The following PTBP2 variants were observed in gnomAD, a reference collection of about 807,000 sequenced individuals.
The protein encoded by PTBP2 is polypyrimidine tract binding protein 2.
A neutral mutation model predicts 61.4 loss-of-function variants in PTBP2; 13 were observed. The observed-to-expected ratio is 0.21, with a 90% CI of 0.14 to 0.34. PTBP2 has a LOEUF of 0.34. Among genes scored for constraint, PTBP2 ranks in the 10% least tolerant of loss-of-function variants. The probability of loss-of-function intolerance (pLI) is 1.00; values close to 1 mark genes in which losing one functional copy is unlikely to be tolerated. For missense variants in PTBP2, 405 were observed against 642.6 expected, an observed-to-expected ratio of 0.63 and a Z score of 4.00; for synonymous variants, 215 against 218.5, an observed-to-expected ratio of 0.98 and a Z score of 0.14.
intron 2 of PTBP2, among the ~76,000 whole-genome samples, chr1:96,726,966 TATCTC>T (rs1475675581): frequency 2.0e-5 from 3 of 152,218 alleles, no homozygotes; most frequent in Non-Finnish European, 4.4e-5. Flanking sequence ...TACAATGTTT[TATCTC>T]ATATATACCC....
intron 3 of PTBP2, among the ~76,000 whole-genome samples, chr1:96,761,968 C>A (rs199672750): frequency 0.078 from 11,771 of 151,494 alleles, 570 homozygotes; most frequent in East Asian, 0.17. Flanking sequence ...CTTCAAGCAT[C>A]TGTTTAACAA....
chr1:96,780,022 A>G (rs983719946), intron 7 of PTBP2, among the ~76,000 whole-genome samples: 1 of 151,992 alleles, frequency 6.6e-6, no homozygotes, highest in Non-Finnish European at 1.5e-5. Flanking sequence ...TTTCCCTTCT[A>G]CCATATCTCT....
At chr1:96,731,548 G>A (rs939215551) in intron 2 of PTBP2, among the ~76,000 whole-genome samples, 2 of 151,962 alleles carry the variant, frequency 1.3e-5, no homozygotes, top group African/African-American at 2.4e-5. Flanking sequence ...AACATTTTTA[G>A]CCTCAGCTTC....
In PTBP2 at chr1:96,770,005, G is replaced by A. The variant is rs976513180; in HGVS notation, c.288+130G>A. On this transcript the variant is annotated intron_variant, in intron 4 of 13. Coordinates refer to ENST00000674951, the MANE Select transcript of PTBP2 (RefSeq NM_021190.4). ...AGAAGTCTTATTCTCACTTTTTCGA[G>A]TAGATGTCTGTGGGAAACTAATGCT... The A allele has an allele frequency of 2.0e-5, 13 of 658,126 alleles. No homozygotes were observed. The East Asian group carries it at 3.3e-4, about 17-fold the overall frequency. 40.8% of individuals were successfully genotyped at this position (658,126 alleles called of 1,614,324 possible).
intron 2 of PTBP2, among the ~76,000 whole-genome samples, chr1:96,742,932 A>G (rs1459091501): frequency 1.3e-5 from 2 of 152,034 alleles, no homozygotes; most frequent in East Asian, 1.9e-4. Context: ...TCTTTTCATT[A>G]TTTTATTTTT....
chr1:96,801,780 G>A (rs1454081379), intron 8 of PTBP2, among the ~76,000 whole-genome samples: 3 of 150,432 alleles, frequency 2.0e-5, no homozygotes, highest in Non-Finnish European at 2.9e-5. Context: ...AGAATCACTT[G>A]AAGCTGGGAG....
Position 96,739,618 on chromosome 1 carries a change from GTTTTTTTT to G in PTBP2, c.40-11788_40-11781del, listed in dbSNP as rs772410191. On this transcript the variant is annotated intron_variant, in intron 2 of 13. Coordinates refer to ENST00000674951, the MANE Select transcript of PTBP2 (RefSeq NM_021190.4). ...GCTACAAAATCTGAAACTGGTGTGT[GTTTTTTTT>G]TTTTTTTTTTTTTTTTTTGAGACGG... 7.2e-5 allele frequency among the ~76,000 whole-genome samples: 6 copies of G among 83,792 alleles called. No homozygotes were observed. The East Asian group carries it at 2.0e-3, about 29-fold the overall frequency. 55.0% of individuals were successfully genotyped at this position (83,792 alleles called of 152,430 possible).
At chr1:96,805,548 A>G (rs894719788) in intron 9 of PTBP2, among the ~76,000 whole-genome samples, 3 of 150,288 alleles carry the variant, frequency 2.0e-5, no homozygotes, top group African/African-American at 7.4e-5. Flanking sequence ...AATAAAATTT[A>G]TTGCTAAGTT....
At chr1:96,815,873 C>T (rs1390078947), downstream of PTBP2, 1 of 152,052 alleles carries the variant, frequency 6.6e-6, no homozygotes, top group Non-Finnish European at 1.5e-5. Context: ...AGGAACTCTA[C>T]CAGCATCAGA....
At chr1:96,764,706 T>G (rs1037712890) in intron 3 of PTBP2, among the ~76,000 whole-genome samples, 2 of 152,250 alleles carry the variant, frequency 1.3e-5, no homozygotes, top group African/African-American at 2.4e-5. Context: ...TCCAGTAGAT[T>G]ATTTCATAGT....
In PTBP2 at chr1:96,740,578, A is replaced by G. The variant is rs993160861; in HGVS notation, c.40-10847A>G. ...ATTGAGTTGATAATACCCTGCATAT[A>G]GTTGACCCATACTTCTCCACTCCAG... On this transcript the variant is annotated intron_variant, in intron 2 of 13. Transcript: ENST00000674951. 5.9e-5 allele frequency among the ~76,000 whole-genome samples: 9 copies of G among 152,266 alleles called. No individual in the cohort carries two copies. In the South Asian group the frequency reaches 1.9e-3, roughly 32 times the overall value.
At chr1:96,760,989 A>G (rs903752206) in intron 3 of PTBP2, among the ~76,000 whole-genome samples, 1 of 152,220 alleles carries the variant, frequency 6.6e-6, no homozygotes, top group Admixed American at 6.5e-5. Context: ...TTAGTAGTAC[A>G]TGCGAAAACA....
intron 3 of PTBP2, among the ~76,000 whole-genome samples, chr1:96,757,037 C>G (rs1448132844): frequency 3.3e-5 from 5 of 152,148 alleles, no homozygotes; most frequent in Non-Finnish European, 7.4e-5. Flanking sequence ...GCAGGGAAAT[C>G]TCTCTGCTTT....
At chr1:96,746,913 C>CCCTTCCTT (rs1214485803) in intron 2 of PTBP2, among the ~76,000 whole-genome samples, 349 of 29,466 alleles carry the variant, frequency 0.012, 8 homozygotes, top group Middle Eastern at 0.043. Flanking sequence ...CTCCCTCCCT[C>CCCTTCCTT]CCTTCCTTCC....
intron 3 of PTBP2, among the ~76,000 whole-genome samples, chr1:96,758,062 A>G (rs1340534879): frequency 6.6e-6 from 1 of 152,070 alleles, no homozygotes; most frequent in Non-Finnish European, 1.5e-5. Context: ...GCAGAGTATA[A>G]TAGTATAACA....
At chr1:96,767,324 G>A (rs1656842917) in intron 3 of PTBP2, among the ~76,000 whole-genome samples, 1 of 152,000 alleles carries the variant, frequency 6.6e-6, no homozygotes, top group East Asian at 1.9e-4. Flanking sequence ...ATTTGAAAGG[G>A]GAAGCCTTTT....
At chr1:96,723,857 T>C (rs1163501508) in intron 2 of PTBP2, among the ~76,000 whole-genome samples, 3 of 152,246 alleles carry the variant, frequency 2.0e-5, no homozygotes, top group Non-Finnish European at 1.5e-5. Context: ...TGGCTTCTTG[T>C]AATATAAAAC....
At chr1:96,823,403 T>C (rs1474690022) in exon 14 of PTBP2, 1 of 152,224 alleles carries the variant, frequency 6.6e-6, no homozygotes, top group East Asian at 1.9e-4. Context: ...ATCACTAAGA[T>C]ACAATTTTAA....
At chr1:96,804,724 A>C in intron 8 of PTBP2, 76 bp from the exon 9 acceptor site, 2 of 1,417,264 alleles carry the variant, frequency 1.4e-6, no homozygotes, top group East Asian at 2.3e-5. Flanking sequence ...CATCGTGCTT[A>C]AATTGGTTTT....
Sources: gnomAD v4.1 joint callset for allele counts (sites outside exome capture counted in the v4.1 genomes callset) on GRCh38, gnomAD v4.1.1 for gene constraint, MANE v1.5 for transcripts, NCBI Gene and HGNC (gene_info 2026-07-23, HGNC 2026-07-21) for gene names.